The following PTPRB variants were observed in gnomAD, a reference collection of about 807,000 sequenced individuals.
PTPRB encodes protein tyrosine phosphatase receptor type B.
A neutral mutation model predicts 238.1 loss-of-function variants in PTPRB; 97 were observed. That is an observed-to-expected ratio of 0.41 (90% confidence interval 0.35 to 0.48). The LOEUF (loss-of-function observed/expected upper bound fraction) is 0.48. Ranked by LOEUF, PTPRB falls within the 20% of genes least tolerant of loss-of-function variation. The pLI is 0.30. For missense variants in PTPRB, 2,292 were observed against 2,681.9 expected, an observed-to-expected ratio of 0.85 and a Z score of 3.21; for synonymous variants, 970 against 995.4, an observed-to-expected ratio of 0.97 and a Z score of 0.48.
intron 31 of PTPRB, among the ~76,000 whole-genome samples, chr12:70,532,580 C>T (rs1270973976): frequency 6.6e-6 from 1 of 151,978 alleles, no homozygotes. Flanking sequence ...ATCTATATTG[C>T]TACATATAGA....
At chr12:70,622,771 T>C in intron 2 of PTPRB, 125 bp from the exon 3 acceptor site, 4 of 1,163,750 alleles carry the variant, frequency 3.4e-6, no homozygotes, top group South Asian at 3.3e-5. Flanking sequence ...GCTTCAGTTA[T>C]ATGAAAAAGC....
chr12:70,534,991 A>G (rs770172622), intron 29 of PTPRB, 36 bp from the exon 30 acceptor site: 4 of 1,587,848 alleles, frequency 2.5e-6, no homozygotes, highest in East Asian at 4.5e-5. Flanking sequence ...ATGAGTCCGG[A>G]AAAGTGACTC....
intron 13 of PTPRB, 94 bp downstream of exon 13, chr12:70,570,932 A>T: frequency 7.3e-7 from 1 of 1,362,306 alleles, no homozygotes; most frequent in Non-Finnish European, 1.0e-6. Context: ...TCTCCCTTTT[A>T]TCCCTCCAAA....
chr12:70,568,100 G>A (rs1229649978), intron 14 of PTPRB, among the ~76,000 whole-genome samples: 2 of 152,106 alleles, frequency 1.3e-5, no homozygotes, highest in Non-Finnish European at 1.5e-5. Flanking sequence ...ACTTCACCTG[G>A]ATGACTTCTT....
At position 70,609,322 on chromosome 12, in the gene PTPRB, T is replaced by C. The variant is rs1474312915; in HGVS notation, c.726A>G (p.Pro242=). The part of the protein sequence containing the change: ...STTEETGLAE[P]ERCNFTLAES... ...CCGCCAGGGTGAAGTTACATCTCTC[T>C]GGCTCCGCCAGTCCAGTCTGCAAAG... The change falls in exon 4 of 34, where the codon CCA becomes CCG. Residue 242 remains proline (P), a synonymous_variant. Transcript: ENST00000334414. 1 of 1,613,830 alleles carries C rather than the reference T, an allele frequency of 6.2e-7. No individual in the cohort carries two copies. The highest frequency in any genetic ancestry group is 1.3e-5 in the African/African-American group (1 of 74,942).
intron 2 of PTPRB, among the ~76,000 whole-genome samples, chr12:70,622,949 AG>A (rs11302137): frequency 0.054 from 7,945 of 147,940 alleles, 239 homozygotes; most frequent in African/African-American, 0.08. Flanking sequence ...ATGAGAATTT[AG>A]GGGGGGGGTC....
chr12:70,592,423 T>C lies in PTPRB; in HGVS notation c.1639A>G (p.Thr547Ala), dbSNP rs200665085. ...SYNITLSHKG[T>A]IKESRVLAPW... is the part of the protein sequence containing the mutation. ...GCTAATACTCTGGATTCCTTGATGG[T>C]CCCTTTGTGAGACAGGGTGATATTG... Residue 547 changes from threonine (T) to alanine (A), a missense_variant, in exon 7 of 34, where the codon ACC (threonine) becomes GCC (alanine). Around this residue, in one of 4 missense-constraint regions of PTPRB, gnomAD observed 1,205 missense variants for 1,287.8 expected, o/e 0.94. Coordinates refer to ENST00000334414, the MANE Select transcript of PTPRB (RefSeq NM_001109754.4). 308 of 1,613,966 alleles carry C rather than the reference T, an allele frequency of 1.9e-4. No homozygotes were observed. The highest frequency in any genetic ancestry group is 4.1e-4 in the South Asian group (37 of 91,084).
chr12:70,608,212 T>C (rs1474385032), intron 4 of PTPRB, among the ~76,000 whole-genome samples: 1 of 152,210 alleles, frequency 6.6e-6, no homozygotes, highest in African/African-American at 2.4e-5. Context: ...AAGGTAAGGA[T>C]ACACTGTTGC....
At chr12:70,636,821 A>G (rs1885720842) in intron 1 of PTPRB, among the ~76,000 whole-genome samples, 1 of 152,222 alleles carries the variant, frequency 6.6e-6, no homozygotes, top group Non-Finnish European at 1.5e-5. Context: ...ATCAGTATTA[A>G]AGAGCAAGAT....
chr12:70,628,190 G>T (rs1212796039), intron 2 of PTPRB, among the ~76,000 whole-genome samples: 1 of 152,090 alleles, frequency 6.6e-6, no homozygotes, highest in Non-Finnish European at 1.5e-5. Context: ...AATTAAAAAA[G>T]AAAATTCCTG....
Position 70,609,851 on chromosome 12 carries a change from G to GA in PTPRB, c.709-513_709-512insT, listed in dbSNP as rs368459729. 34 of 1,554,670 alleles carry GA rather than the reference G, an allele frequency of 2.2e-5. No individual in the cohort carries two copies. In the African/African-American group the frequency reaches 2.6e-4, roughly 12 times the overall value. ...GTTAAGATCCAGAGGAGACCGAGGG[G>GA]GCTGGACGTGGGACGGCCCGAGGGC... On this transcript the variant is annotated intron_variant, in intron 3 of 33. Transcript: ENST00000334414.
intron 4 of PTPRB, among the ~76,000 whole-genome samples, chr12:70,607,661 C>A (rs1884068195): frequency 6.6e-6 from 1 of 151,746 alleles, no homozygotes; most frequent in South Asian, 2.1e-4. Flanking sequence ...CTCAGCCTCC[C>A]AAGTAGCTGG....
intron 8 of PTPRB, among the ~76,000 whole-genome samples, chr12:70,587,679 G>C (rs1310740133): frequency 6.6e-6 from 1 of 152,186 alleles, no homozygotes; most frequent in Admixed American, 6.5e-5. Flanking sequence ...CCTCATTTCT[G>C]AGGTGGGGGA....
At position 70,518,087 on chromosome 12, in the gene PTPRB, C is replaced by T. The variant is rs1790079660; in HGVS notation, c.*3402G>A. 6.6e-6 allele frequency: 1 copy of T among 152,042 alleles called. No individual in the cohort carries two copies. The highest frequency in any genetic ancestry group is 1.5e-5 in the Non-Finnish European group (1 of 68,022). The allele number at this position is 152,042 out of a possible 1,614,324, so 9.4% of individuals were successfully genotyped here. On this transcript the variant is annotated 3_prime_UTR_variant, in exon 34 of 34. Coordinates refer to ENST00000334414, the MANE Select transcript of PTPRB (RefSeq NM_001109754.4). ...GATTACAAAATTTATCAAAGACCCT[C>T]CCAAAGAAAACTGCCCCGAAAATGT...
At chr12:70,535,079 A>G (rs1873895914) in intron 29 of PTPRB, 124 bp from the exon 30 acceptor site, 2 of 1,138,296 alleles carry the variant, frequency 1.8e-6, no homozygotes, top group African/African-American at 3.1e-5. Flanking sequence ...AAGCAATTTG[A>G]CCATCTACTT....
Position 70,569,796 on chromosome 12 carries a change from A to G in PTPRB, c.3513T>C (p.Thr1171=). The change falls in exon 14 of 34, where the codon ACT becomes ACC. Residue 1171 remains threonine (T), a synonymous_variant. Coordinates refer to ENST00000334414, the MANE Select transcript of PTPRB (RefSeq NM_001109754.4). ...TGTGCTCAAAGACGTGCTTGGGAAT[A>G]GTCTGAGAGTCAACCTTTTGACTGT... ...FRHSQKVDSQ[T]IPKHVFEHTF... The G allele has an allele frequency of 6.2e-7, 1 of 1,613,928 alleles. No homozygotes were observed. The highest frequency in any genetic ancestry group is 1.1e-5 in the South Asian group (1 of 91,078).
At chr12:70,623,865 G>T (rs1322847931) in intron 2 of PTPRB, among the ~76,000 whole-genome samples, 1 of 152,016 alleles carries the variant, frequency 6.6e-6, no homozygotes, top group Non-Finnish European at 1.5e-5. Context: ...CCTCTTTTGA[G>T]TCTCACTCCT....
chr12:70,578,407 T>G (rs1342081665), intron 10 of PTPRB, among the ~76,000 whole-genome samples: 2 of 148,618 alleles, frequency 1.3e-5, no homozygotes, highest in African/African-American at 5.1e-5. Flanking sequence ...TCAAAATCCC[T>G]ATTATTGTGC....
chr12:70,574,161 G>C (rs529772379), intron 11 of PTPRB, among the ~76,000 whole-genome samples: 1 of 152,262 alleles, frequency 6.6e-6, no homozygotes, highest in African/African-American at 2.4e-5. Flanking sequence ...AGGGGTTTCT[G>C]ATCTGACCAC....
Sources: allele counts gnomAD v4.1 joint callset (sites outside exome capture counted in the v4.1 genomes callset), GRCh38; gene constraint gnomAD v4.1.1; regional missense constraint gnomAD v4.1.1; transcripts MANE v1.5; gene names NCBI Gene and HGNC (gene_info 2026-07-23, HGNC 2026-07-21).